The following RETREG1 variants were observed in gnomAD, a reference collection of about 807,000 sequenced individuals.
The protein encoded by RETREG1 is reticulophagy regulator 1.
A neutral mutation model predicts 54.8 loss-of-function variants in RETREG1; 44 were observed. The ratio of observed to expected loss-of-function variants is 0.80; its 90% CI spans 0.63 to 1.03. The LOEUF is 1.03. Ranked by LOEUF, RETREG1 falls within the 50% of genes least tolerant of loss-of-function variation. The pLI, the probability that RETREG1 is intolerant of heterozygous loss-of-function variation, is 0.00. For synonymous variants in RETREG1, 217 were observed against 238.5 expected, an observed-to-expected ratio of 0.91 and a Z score of 0.83; for missense variants, 554 against 605.1, an observed-to-expected ratio of 0.92 and a Z score of 0.89.
At chr5:16,493,038 C>T (rs574358079) in intron 3 of RETREG1, among the ~76,000 whole-genome samples, 9 of 152,238 alleles carry the variant, frequency 5.9e-5, no homozygotes, top group Admixed American at 2.6e-4. Flanking sequence ...GCTTTCTGCC[C>T]GGAGAGCCCC....
At chr5:16,570,748 C>G (rs1457159726) in intron 2 of RETREG1, among the ~76,000 whole-genome samples, 1 of 152,186 alleles carries the variant, frequency 6.6e-6, no homozygotes, top group Non-Finnish European at 1.5e-5. Flanking sequence ...TGCCCCACCT[C>G]AAGGCAGCCT....
chr5:16,588,153 C>T (rs1367208509), intron 1 of RETREG1, among the ~76,000 whole-genome samples: 3 of 152,198 alleles, frequency 2.0e-5, no homozygotes, highest in African/African-American at 7.2e-5. Context: ...GACAGGGTGG[C>T]TTAAACTACA....
intron 3 of RETREG1, among the ~76,000 whole-genome samples, chr5:16,523,399 A>T (rs1474081436): frequency 6.6e-6 from 1 of 151,924 alleles, no homozygotes; most frequent in East Asian, 1.9e-4. Flanking sequence ...AGATCTGAGG[A>T]GTGTTTTGTA....
chr5:16,515,082 T>C (rs1740306158), intron 3 of RETREG1, among the ~76,000 whole-genome samples: 1 of 151,886 alleles, frequency 6.6e-6, no homozygotes, highest in African/African-American at 2.4e-5. Flanking sequence ...CAATTGTCTT[T>C]TTCATATAAT....
At chr5:16,549,415 T>C (rs986354904) in intron 3 of RETREG1, among the ~76,000 whole-genome samples, 9 of 152,204 alleles carry the variant, frequency 5.9e-5, no homozygotes, top group Admixed American at 1.3e-4. Flanking sequence ...TATGTATTTA[T>C]TGAACCGCTC....
At chr5:16,600,893 C>A (rs972001259) in intron 1 of RETREG1, among the ~76,000 whole-genome samples, 2 of 151,642 alleles carry the variant, frequency 1.3e-5, no homozygotes, top group Non-Finnish European at 1.5e-5. Flanking sequence ...GAAAAAAAAT[C>A]AAAAATGAGG....
rs530152032 is a variant in RETREG1 at position 16,597,661 on chromosome 5, C to T, written c.320+18991G>A. 6.6e-6 allele frequency among the ~76,000 whole-genome samples: 1 copy of T among 152,236 alleles called. No individual in the cohort carries two copies. Among genetic ancestry groups the T allele is most frequent in the East Asian group, 1.9e-4 (1 of 5,140 alleles). On this transcript the variant is annotated intron_variant, in intron 1 of 8. Transcript: ENST00000306320. The surrounding 1 kb of genome is among the most constrained non-coding windows in gnomAD (Gnocchi z 4.3). ...CCCACAAGAGTGACCCCACCAGTGG[C>T]TTCCTATAGAAAACAGACTTCCCCT...
At chr5:16,530,035 C>T (rs1179794213) in intron 3 of RETREG1, among the ~76,000 whole-genome samples, 1 of 152,216 alleles carries the variant, frequency 6.6e-6, no homozygotes, top group Admixed American at 6.5e-5. Flanking sequence ...AGCTCCATTT[C>T]CCCGCTCTTC....
intron 1 of RETREG1, among the ~76,000 whole-genome samples, chr5:16,615,214 G>A (rs1175529221): frequency 2.6e-5 from 4 of 151,906 alleles, no homozygotes; most frequent in Non-Finnish European, 4.4e-5. Flanking sequence ...TGGCTAACAC[G>A]GTGAAACCCC....
At position 16,473,565 on chromosome 5, in the gene RETREG1, G is replaced by A. The variant is rs1738394828; in HGVS notation, c.*1176C>T. 1 of 152,432 alleles carries A rather than the reference G, an allele frequency of 6.6e-6. No homozygotes were observed. The highest frequency in any genetic ancestry group is 1.5e-5 in the Non-Finnish European group (1 of 67,994). The allele number at this position is 152,432 out of a possible 1,614,324, so 9.4% of individuals were successfully genotyped here. On this transcript the variant is annotated 3_prime_UTR_variant, in exon 9 of 9. Coordinates refer to ENST00000306320, the MANE Select transcript of RETREG1 (RefSeq NM_001034850.3). The stretch of plus-strand genomic sequence containing the variant: ...AGAGATTTTTGGTAGTTGCTGGCAT[G>A]GTCCCTCGACACTTAAAGTTTATAT...
At chr5:16,476,108 C>A (rs368679857) in intron 8 of RETREG1, among the ~76,000 whole-genome samples, 1 of 152,034 alleles carries the variant, frequency 6.6e-6, no homozygotes, top group Non-Finnish European at 1.5e-5. Context: ...CTTGAATGAC[C>A]TTCAGCAATG....
intron 3 of RETREG1, among the ~76,000 whole-genome samples, chr5:16,502,447 A>ATAATAAAC (rs1270910105): frequency 6.6e-6 from 1 of 152,228 alleles, no homozygotes; most frequent in Non-Finnish European, 1.5e-5. Context: ...GGAACAGGCA[A>ATAATAAAC]TAATAAACGT....
intron 4 of RETREG1, chr5:16,483,021 A>T (rs1006669054): frequency 7.4e-6 from 2 of 268,676 alleles, no homozygotes; most frequent in Admixed American, 5.0e-5. Flanking sequence ...CTTCAGCACC[A>T]GGCTAAATAC....
intron 3 of RETREG1, among the ~76,000 whole-genome samples, chr5:16,531,901 G>C (rs965619491): frequency 6.6e-6 from 1 of 152,182 alleles, no homozygotes; most frequent in East Asian, 1.9e-4. Context: ...TAATTGCAAG[G>C]TTCCTTTACA....
intron 3 of RETREG1, among the ~76,000 whole-genome samples, chr5:16,540,218 G>A (rs1018336897): frequency 3.9e-5 from 6 of 152,204 alleles, no homozygotes; most frequent in African/African-American, 1.4e-4. Flanking sequence ...CTTTTATACA[G>A]CAGTTTGTAT....
chr5:16,560,217 T>C (rs988559396), intron 3 of RETREG1, among the ~76,000 whole-genome samples: 3 of 152,242 alleles, frequency 2.0e-5, no homozygotes, highest in African/African-American at 4.8e-5. Context: ...TGCATAAGTG[T>C]ACATATCTAC....
intron 3 of RETREG1, among the ~76,000 whole-genome samples, chr5:16,497,504 G>A (rs1471260979): frequency 1.3e-5 from 2 of 152,166 alleles, no homozygotes; most frequent in African/African-American, 4.8e-5. Context: ...GCTTTAGCAG[G>A]GAGGCACCTA....
chr5:16,530,766 G>A lies in RETREG1; in HGVS notation c.458+34997C>T, dbSNP rs572237301. ...CGTGCACTTGTAATCCCAGCTACTCGGGAGGCTGAGGTAGAAGAATTGCCT... is the reference window on the plus strand; with the variant it reads ...CGTGCACTTGTAATCCCAGCTACTCAGGAGGCTGAGGTAGAAGAATTGCCT... On this transcript the variant is annotated intron_variant, in intron 3 of 8. Transcript: ENST00000306320. 3.3e-5 allele frequency among the ~76,000 whole-genome samples: 5 copies of A among 152,130 alleles called. No homozygotes were observed. The South Asian group carries it at 6.2e-4, about 19-fold the overall frequency.
chr5:16,612,064 CAAAA>C (rs35639329), intron 1 of RETREG1, among the ~76,000 whole-genome samples: 5 of 120,410 alleles, frequency 4.2e-5, no homozygotes, highest in Non-Finnish European at 3.4e-5. Flanking sequence ...GACTCCGTCT[CAAAA>C]AAAAAAAAAA....
Sources: allele counts gnomAD v4.1 joint callset (sites outside exome capture counted in the v4.1 genomes callset), GRCh38; gene constraint gnomAD v4.1.1; non-coding constraint Gnocchi (gnomAD v3.1); transcripts MANE v1.5; gene names NCBI Gene and HGNC (gene_info 2026-07-23, HGNC 2026-07-21).